YY1AP1: variants seen among roughly 807,000 people sequenced by gnomAD.
YY1AP1 encodes YY1 associated protein 1.
YY1AP1 carries 43 observed loss-of-function variants against 39.9 expected under a neutral mutation model. The observed-to-expected ratio is 1.08, with a 90% confidence interval of 0.84 to 1.39. YY1AP1 has a LOEUF of 1.39. YY1AP1 is among the 40% of genes most tolerant of loss of function. The pLI, the probability that YY1AP1 is intolerant of heterozygous loss-of-function variation, is 0.00. For missense variants in YY1AP1, 813 were observed against 900.7 expected, an observed-to-expected ratio of 0.90 and a Z score of 1.25; for synonymous variants, 292 against 331.3, an observed-to-expected ratio of 0.88 and a Z score of 1.29.
intron 8 of YY1AP1, among the ~76,000 whole-genome samples, chr1:155,669,995 A>T (rs1649606304): frequency 6.6e-6 from 1 of 152,220 alleles, no homozygotes. Flanking sequence ...ACTGTACTCC[A>T]GCCTGGGTGA....
intron 10 of YY1AP1, 188 bp from the exon 11 acceptor site, chr1:155,661,101 A>G: frequency 6.7e-7 from 1 of 1,495,424 alleles, no homozygotes; most frequent in Non-Finnish European, 9.0e-7. Flanking sequence ...TCCTTTAGCA[A>G]ATTACCATTT....
rs377640210 is a variant in YY1AP1, at chr1:155,660,059, A to G, written c.1851T>C (p.Ile617=). The G allele has an allele frequency of 6.8e-6, 11 of 1,614,106 alleles. No individual in the cohort carries two copies. In the Admixed American group the frequency reaches 1.8e-4, roughly 27 times the overall value. Residue 617 remains isoleucine (I), a synonymous_variant, in exon 11 of 11, where the codon ATT becomes ATC. Coordinates refer to ENST00000355499, the MANE Select transcript of YY1AP1 (RefSeq NM_139119.3). The part of the protein sequence containing the change: ...PLVASSVSPL[I]VSGNSVNLPI... Reference sequence around the variant, plus strand: ...GAAGATTCACAGAATTGCCAGAAACAATTAAGGGTGAGACAGAGGAGGCCA... The same window carrying G: ...GAAGATTCACAGAATTGCCAGAAACGATTAAGGGTGAGACAGAGGAGGCCA...
rs1647952117 is a variant in YY1AP1, at chr1:155,660,712, G to C, written c.1198C>G (p.Pro400Ala). 1.9e-6 allele frequency: 3 copies of C among 1,614,080 alleles called. No homozygotes were observed. The highest frequency in any genetic ancestry group is 2.5e-6 in the Non-Finnish European group (3 of 1,180,040). ...LKLKPVADRF[P>A]KKAWRQKRSS... is the part of the protein sequence containing the mutation. Reference sequence around the variant, plus strand: ...CGCTTCTGTCTCCAAGCCTTCTTGGGGAAACGGTCGGCAACTGGCTTCAGT... The same window carrying C: ...CGCTTCTGTCTCCAAGCCTTCTTGGCGAAACGGTCGGCAACTGGCTTCAGT... Residue 400 changes from proline to alanine, a missense_variant, in exon 11 of 11, where the codon CCC (proline) becomes GCC (alanine). Coordinates refer to ENST00000355499, the MANE Select transcript of YY1AP1 (RefSeq NM_139119.3).
chr1:155,671,761 G>A (rs115675468), intron 7 of YY1AP1, among the ~76,000 whole-genome samples: 165 of 152,084 alleles, frequency 1.1e-3, no homozygotes, highest in African/African-American at 3.8e-3. Context: ...CTATAATTTG[G>A]TATTAAATCA....
intron 2 of YY1AP1, among the ~76,000 whole-genome samples, chr1:155,681,494 G>T (rs1287638514): frequency 1.3e-5 from 2 of 152,142 alleles, no homozygotes; most frequent in Non-Finnish European, 2.9e-5. Context: ...AGGCTGAGGT[G>T]AGAGAATCTC....
intron 4 of YY1AP1, chr1:155,679,126 T>C: frequency 3.0e-6 from 4 of 1,343,646 alleles, no homozygotes; most frequent in Non-Finnish European, 3.9e-6. Context: ...CTGGCCACAT[T>C]GAGTCCTACA....
At chr1:155,668,108 C>T (rs143313487) in intron 9 of YY1AP1, among the ~76,000 whole-genome samples, 4,628 of 152,192 alleles carry the variant, frequency 0.03, 106 homozygotes, top group Non-Finnish European at 0.047. Flanking sequence ...TCAAGACCAG[C>T]CTGGCCAACA....
chr1:155,672,597 G>A lies in YY1AP1; in HGVS notation c.546C>T (p.Ser182=). 4 of 1,613,134 alleles carry A rather than the reference G, an allele frequency of 2.5e-6. No homozygotes were observed. Among genetic ancestry groups the A allele is most frequent in the Non-Finnish European group, 3.4e-6 (4 of 1,179,194 alleles). ...QLIEDFSTHV[S]IDCSPHKTVK... ...CAGTTTTATGAGGGCTGCAGTCAAT[G>A]CTGACATGTGTGCTGAAGTCTTCAA... is the stretch of plus-strand genomic sequence containing the variant. Residue 182 remains serine, a synonymous_variant, in exon 7 of 11, where the codon AGC becomes AGT. Transcript: ENST00000355499.
Position 155,676,641 on chromosome 1 carries a change from C to A in YY1AP1, c.231G>T (p.Glu77Asp), listed in dbSNP as rs988386932. 12 of 1,614,038 alleles carry A rather than the reference C, an allele frequency of 7.4e-6. No individual in the cohort carries two copies. The African/African-American group carries it at 1.1e-4, about 14-fold the overall frequency. The change falls in exon 5 of 11, where the codon GAG (glutamate) becomes GAT (aspartate). Residue 77 changes from glutamate (E) to aspartate (D), a missense_variant. By Grantham distance (45) the Glu-to-Asp change is conservative. This residue lies in a region of YY1AP1 where 196 missense variants were observed against 189.7 expected (regional missense o/e 1.03). Coordinates refer to ENST00000355499, the MANE Select transcript of YY1AP1 (RefSeq NM_139119.3). The part of the protein sequence containing the change: ...MKKPSAKQQK[E>D]VEKVKPQCKE... Reference sequence around the variant, plus strand: ...TACACTGGGGTTTAACCTTCTCTACCTCCTTCTGCTGTTTGGCTGAAGGTT... The same window carrying A: ...TACACTGGGGTTTAACCTTCTCTACATCCTTCTGCTGTTTGGCTGAAGGTT...
upstream of YY1AP1, chr1:155,688,865 G>T: frequency 6.2e-7 from 1 of 1,605,782 alleles, no homozygotes; most frequent in Non-Finnish European, 8.5e-7. Flanking sequence ...GACCGGCAAA[G>T]CGAGTCTGGC....
At chr1:155,686,571 T>C (rs1196684944) in intron 2 of YY1AP1, among the ~76,000 whole-genome samples, 1 of 151,776 alleles carries the variant, frequency 6.6e-6, no homozygotes, top group Admixed American at 6.6e-5. Flanking sequence ...CCTCAAGGCA[T>C]GGACCATTCA....
At chr1:155,688,904 G>T, upstream of YY1AP1, 1 of 1,612,768 alleles carries the variant, frequency 6.2e-7, no homozygotes, top group Non-Finnish European at 8.5e-7. Flanking sequence ...TGCCAGGGTG[G>T]CCGGCCGAGT....
intron 1 of YY1AP1, 128 bp downstream of exon 1, chr1:155,688,531 C>A: frequency 6.5e-7 from 1 of 1,543,868 alleles, no homozygotes; most frequent in African/African-American, 1.4e-5. Context: ...CTCCCACCAA[C>A]CACCACCTTC....
At chr1:155,680,714 G>GTGC (rs1558315068) in intron 2 of YY1AP1, among the ~76,000 whole-genome samples, 1 of 152,102 alleles carries the variant, frequency 6.6e-6, no homozygotes. Context: ...CAACAGGAGT[G>GTGC]TGCTGTCATG....
rs139765726 is a variant in YY1AP1, at chr1:155,684,193, A to G, written c.-20-3737T>C. On this transcript the variant is annotated intron_variant, in intron 2 of 10. Coordinates refer to ENST00000355499, the MANE Select transcript of YY1AP1 (RefSeq NM_139119.3). ...AACCTGGGAGGCAGAGGTTGCAGTG[A>G]GGCAAGATTGTGCCATTGTACTCCA... 3.0e-3 allele frequency among the ~76,000 whole-genome samples: 463 copies of G among 152,344 alleles called. 3 individuals carry two copies. The highest frequency in any genetic ancestry group is 0.011 in the African/African-American group (447 of 41,576).
chr1:155,666,892 T>G (rs144813835), intron 9 of YY1AP1, among the ~76,000 whole-genome samples: 2,651 of 152,162 alleles, frequency 0.017, 90 homozygotes, highest in African/African-American at 0.061. Flanking sequence ...CCCAGCTACT[T>G]AGGAGGCTAA....
At chr1:155,687,878 C>T in intron 2 of YY1AP1, 193 bp downstream of exon 2, 1 of 581,892 alleles carries the variant, frequency 1.7e-6, no homozygotes, top group South Asian at 2.9e-5. Flanking sequence ...CTGTCAGGGA[C>T]ACCCCTTCAC....
intron 2 of YY1AP1, among the ~76,000 whole-genome samples, chr1:155,684,866 G>T (rs1294671531): frequency 6.6e-6 from 1 of 152,132 alleles, no homozygotes; most frequent in Non-Finnish European, 1.5e-5. Flanking sequence ...GATTACAGGC[G>T]TGAGCCACCC....
rs1283287158 is a variant in YY1AP1, at chr1:155,672,737, A to C, written c.412-6T>G. The C allele has an allele frequency of 6.2e-7, 1 of 1,614,220 alleles. No individual in the cohort carries two copies. The highest frequency in any genetic ancestry group is 2.2e-5 in the East Asian group (1 of 44,888). On this transcript the variant is annotated splice_region_variant and splice_polypyrimidine_tract_variant and intron_variant, in intron 6 of 10. Transcript: ENST00000355499. ...GCAAAGGTTCCCAGCTCTTTCTGGG[A>C]AAACACGACACAAGGAAGATCTAAG... is the stretch of plus-strand genomic sequence containing the variant.
Sources: gnomAD v4.1 joint callset for allele counts (sites outside exome capture counted in the v4.1 genomes callset) on GRCh38, gnomAD v4.1.1 for gene constraint, gnomAD v4.1.1 regional missense constraint, MANE v1.5 for transcripts, NCBI Gene and HGNC (gene_info 2026-07-23, HGNC 2026-07-21) for gene names.